Variants in KLHL29 observed in about 807,000 individuals in gnomAD.
The protein encoded by KLHL29 is kelch like family member 29.
KLHL29 carries 21 observed loss-of-function variants against 80.4 expected under a neutral mutation model. The observed-to-expected ratio is 0.26, with a 90% CI of 0.19 to 0.38. The LOEUF (loss-of-function observed/expected upper bound fraction) is 0.38. Ranked by LOEUF, KLHL29 falls within the 10% of genes least tolerant of loss-of-function variation. The pLI, the probability that KLHL29 is intolerant of heterozygous loss-of-function variation, is 1.00. For synonymous variants in KLHL29, 511 were observed against 526.8 expected, an observed-to-expected ratio of 0.97 and a Z score of 0.41; for missense variants, 867 against 1,223.9, an observed-to-expected ratio of 0.71 and a Z score of 4.35.
intron 3 of KLHL29, among the ~76,000 whole-genome samples, chr2:23,563,214 G>T (rs773732306): frequency 4.6e-5 from 7 of 152,266 alleles, no homozygotes; most frequent in Non-Finnish European, 8.8e-5. Flanking sequence ...TTGCTGAATG[G>T]AATGTGGAAA....
At chr2:23,507,756 C>T (rs1258493298) in intron 2 of KLHL29, among the ~76,000 whole-genome samples, 1 of 152,120 alleles carries the variant, frequency 6.6e-6, no homozygotes, top group Admixed American at 6.5e-5. Flanking sequence ...CTGGCTCTGC[C>T]TCTGTTGTTG....
intron 8 of KLHL29, 115 bp downstream of exon 8, chr2:23,693,643 T>TGGCAGAGAGGTGAAGGGCG (rs571284232): frequency 5.5e-5 from 62 of 1,133,996 alleles, no homozygotes; most frequent in Admixed American, 2.8e-4. Context: ...TCTCCCTAAG[T>TGGCAGAGAGGTGAAGGGCG]GGCAGAGAGG....
intron 1 of KLHL29, among the ~76,000 whole-genome samples, chr2:23,453,609 T>C (rs915601069): frequency 1.3e-5 from 2 of 152,186 alleles, no homozygotes; most frequent in African/African-American, 4.8e-5. Context: ...TGAGCTCTGC[T>C]TCTCTGGGCA....
At chr2:23,447,234 C>G (rs766673840) in intron 1 of KLHL29, among the ~76,000 whole-genome samples, 2 of 152,216 alleles carry the variant, frequency 1.3e-5, no homozygotes, top group Admixed American at 6.5e-5. Context: ...CTGCAGGCAT[C>G]CACTGCCATC....
chr2:23,636,201 G>T (rs760155062), intron 3 of KLHL29, among the ~76,000 whole-genome samples: 1 of 152,196 alleles, frequency 6.6e-6, no homozygotes, highest in Non-Finnish European at 1.5e-5. Context: ...GGCTCTGCAC[G>T]TCACCCACCC....
chr2:23,430,815 C>A, intron 1 of KLHL29, among the ~76,000 whole-genome samples: 1 of 152,170 alleles, frequency 6.6e-6, no homozygotes, highest in Non-Finnish European at 1.5e-5. Flanking sequence ...GCATTTGGTC[C>A]AGCCTTTCCA....
chr2:23,592,336 G>A (rs115624800), intron 3 of KLHL29, among the ~76,000 whole-genome samples: 93 of 152,348 alleles, frequency 6.1e-4, no homozygotes, highest in African/African-American at 2.2e-3. Context: ...AAAGCTCCAG[G>A]CCACTCTGAC....
intron 1 of KLHL29, among the ~76,000 whole-genome samples, chr2:23,434,603 T>A (rs1285508839): frequency 6.6e-6 from 1 of 152,100 alleles, no homozygotes; most frequent in Non-Finnish European, 1.5e-5. Context: ...ACATTGAGAG[T>A]CCTTCCCCCA....
At chr2:23,513,717 CG>C (rs1436904695) in intron 2 of KLHL29, among the ~76,000 whole-genome samples, 2 of 152,042 alleles carry the variant, frequency 1.3e-5, no homozygotes, top group African/African-American at 4.8e-5. Context: ...AGGGAGAGAT[CG>C]GAAGTGCTGG....
intron 2 of KLHL29, among the ~76,000 whole-genome samples, chr2:23,495,544 C>CT (rs1665237833): frequency 6.6e-6 from 1 of 152,208 alleles, no homozygotes. Flanking sequence ...TAACAGTCAA[C>CT]CCTGCCATGT....
At chr2:23,422,122 G>A (rs1044440938) in intron 1 of KLHL29, among the ~76,000 whole-genome samples, 7 of 151,118 alleles carry the variant, frequency 4.6e-5, no homozygotes, top group Non-Finnish European at 8.9e-5. Flanking sequence ...CAGTATGGGT[G>A]GGTCTTTGTG....
intron 3 of KLHL29, among the ~76,000 whole-genome samples, chr2:23,598,026 C>T (rs1406138039): frequency 6.6e-6 from 1 of 152,014 alleles, no homozygotes; most frequent in African/African-American, 2.4e-5. Flanking sequence ...TGGAGGCATC[C>T]GAAAGTCAGT....
chr2:23,635,636 C>T (rs1262516082), intron 3 of KLHL29, among the ~76,000 whole-genome samples: 2 of 152,248 alleles, frequency 1.3e-5, no homozygotes, highest in African/African-American at 4.8e-5. Context: ...AAAGCTGCTG[C>T]GTTAATGATG....
chr2:23,629,322 G>A (rs990131073), intron 3 of KLHL29, among the ~76,000 whole-genome samples: 3 of 152,126 alleles, frequency 2.0e-5, no homozygotes, highest in Admixed American at 2.0e-4. Flanking sequence ...GAGGGGAGCT[G>A]AAGCGCAGGA....
intron 6 of KLHL29, 171 bp from the exon 7 acceptor site, chr2:23,691,500 CTCT>C (rs1414267129): frequency 4.8e-5 from 29 of 609,630 alleles, no homozygotes; most frequent in Non-Finnish European, 7.6e-5. Flanking sequence ...TCTGGTCAGA[CTCT>C]TCTCTTTCAG....
chr2:23,401,656 A>T (rs1666601711), intron 1 of KLHL29, among the ~76,000 whole-genome samples: 1 of 152,210 alleles, frequency 6.6e-6, no homozygotes, highest in Admixed American at 6.5e-5. Flanking sequence ...CCTGGGACAG[A>T]GGAAGCGATC....
intron 2 of KLHL29, among the ~76,000 whole-genome samples, chr2:23,522,539 C>G (rs1367900016): frequency 6.6e-6 from 1 of 151,610 alleles, no homozygotes; most frequent in East Asian, 1.9e-4. Context: ...GATGGAAGAC[C>G]TTTTACCTTT....
chr2:23,393,965 T>C (rs533950724), intron 1 of KLHL29, among the ~76,000 whole-genome samples: 9 of 152,132 alleles, frequency 5.9e-5, no homozygotes, highest in Non-Finnish European at 1.2e-4. Context: ...TTCCTCTTCT[T>C]GAGGCTTCCC....
intron 5 of KLHL29, 146 bp downstream of exon 5, chr2:23,642,996 T>G: frequency 2.2e-6 from 2 of 926,176 alleles, no homozygotes; most frequent in Non-Finnish European, 1.7e-6. Flanking sequence ...AGCCTCCACC[T>G]GCCCAAGACA....
Sources: allele counts gnomAD v4.1 joint callset (sites outside exome capture counted in the v4.1 genomes callset), GRCh38; gene constraint gnomAD v4.1.1; transcripts MANE v1.5; gene names NCBI Gene and HGNC (gene_info 2026-07-23, HGNC 2026-07-21).